The following ADCY1 variants were observed in gnomAD, a reference collection of about 807,000 sequenced individuals.
The protein encoded by ADCY1 is adenylate cyclase 1, also known as adenylate cyclase type 1.
Under a neutral mutation model 105.4 loss-of-function variants are expected in ADCY1, and 28 were observed. The ratio of observed to expected loss-of-function variants is 0.27; its 90% CI spans 0.20 to 0.36. The LOEUF (loss-of-function observed/expected upper bound fraction) is 0.36, where lower values mean the gene tolerates loss of function less well. Ranked by LOEUF, ADCY1 falls within the 10% of genes least tolerant of loss-of-function variation. The pLI is 1.00. For missense variants in ADCY1, 977 were observed against 1,434.2 expected (o/e 0.68, Z 5.15); for synonymous variants, 655 against 623.8 (o/e 1.05, Z -0.75).
chr7:45,697,220 G>T (rs1784901545), intron 14 of ADCY1, among the ~76,000 whole-genome samples: 1 of 151,982 alleles, frequency 6.6e-6, no homozygotes, highest in South Asian at 2.1e-4. Context: ...ATTAGACAGG[G>T]TGTCTTCTGC....
chr7:45,650,861 C>G (rs1794790383), intron 5 of ADCY1, among the ~76,000 whole-genome samples: 1 of 152,222 alleles, frequency 6.6e-6, no homozygotes, highest in Non-Finnish European at 1.5e-5. Context: ...CGCTCTGGTT[C>G]TGCACCTGGC....
chr7:45,610,357 C>A, intron 2 of ADCY1, 22 bp from the exon 3 acceptor site: 1 of 1,600,532 alleles, frequency 6.2e-7, no homozygotes, highest in Non-Finnish European at 8.6e-7. Flanking sequence ...CTGTCTAACC[C>A]GGGCCCTTCT....
rs1785204160 is a variant in ADCY1 at position 45,710,480 on chromosome 7, G to A, written c.2933-48G>A. ...GCATTTGGTGGCCCTGGTGGGGTGAGTTACACTTTTCCCGCTGATGACAGG... is the reference window on the plus strand; with the variant it reads ...GCATTTGGTGGCCCTGGTGGGGTGAATTACACTTTTCCCGCTGATGACAGG... On this transcript the variant is annotated intron_variant, in intron 18 of 19. Transcript: ENST00000297323. This position sits in a 1 kb window ranked among gnomAD's most constrained non-coding sequence, Gnocchi z 4.7. 3 of 1,597,926 alleles carry A rather than the reference G, an allele frequency of 1.9e-6. No homozygotes were observed. Among genetic ancestry groups the A allele is most frequent in the Middle Eastern group, 3.4e-4 (2 of 5,950 alleles).
chr7:45,703,230 A>T lies in ADCY1; in HGVS notation c.2455-146A>T. 6.6e-6 allele frequency: 5 copies of T among 754,450 alleles called. No individual in the cohort carries two copies. The highest frequency in any genetic ancestry group is 4.7e-5 in the South Asian group (3 of 64,422). The allele number at this position is 754,450 out of a possible 1,614,324, so 46.7% of individuals were successfully genotyped here. A position where few individuals can be genotyped will look rare whatever the true frequency, so the allele number is the denominator to read the frequency against. ...CCCAGTAACATGGATCTAGTCTTGC[A>T]TCTAGTGGGGAGGAGGGACAGGAGC... On this transcript the variant is annotated intron_variant, in intron 14 of 19. Coordinates refer to ENST00000297323, the MANE Select transcript of ADCY1 (RefSeq NM_021116.4). The surrounding 1 kb of genome is among the most constrained non-coding windows in gnomAD (Gnocchi z 5.9).
At chr7:45,589,117 G>T (rs1485636141) in intron 1 of ADCY1, among the ~76,000 whole-genome samples, 1 of 152,118 alleles carries the variant, frequency 6.6e-6, no homozygotes, top group East Asian at 1.9e-4. Flanking sequence ...AGAAGGCAGG[G>T]CTATGGCAGG....
chr7:45,585,042 G>C (rs1298229407), intron 1 of ADCY1, among the ~76,000 whole-genome samples: 2 of 152,228 alleles, frequency 1.3e-5, no homozygotes, highest in Non-Finnish European at 2.9e-5. Flanking sequence ...CCAGTGCAGC[G>C]AGCCTGTGCT....
Position 45,574,751 on chromosome 7 carries a change from C to T in ADCY1, c.208C>T (p.Leu70=), listed in dbSNP as rs1792276688. The change falls in exon 1 of 20, where the codon CTG becomes TTG. Residue 70 remains leucine, a synonymous_variant. Coordinates refer to ENST00000297323, the MANE Select transcript of ADCY1 (RefSeq NM_021116.4). The surrounding 1 kb of genome is among the most constrained non-coding windows in gnomAD (Gnocchi z 7.0). The part of the protein sequence containing the change: ...ATLKALAVLS[L]LAGALALAEL... Reference sequence around the variant, plus strand: ...GCTGAAGGCGCTGGCCGTTCTCAGCCTGCTGGCGGGCGCGCTGGCGCTGGC... The same window carrying T: ...GCTGAAGGCGCTGGCCGTTCTCAGCTTGCTGGCGGGCGCGCTGGCGCTGGC... The T allele has an allele frequency of 5.6e-6, 8 of 1,435,822 alleles. No individual in the cohort carries two copies. Among genetic ancestry groups the T allele is most frequent in the Non-Finnish European group, 7.2e-6 (8 of 1,104,612 alleles). 88.9% of individuals were successfully genotyped at this position (1,435,822 alleles called of 1,614,324 possible).
At chr7:45,576,285 G>A (rs918030271) in intron 1 of ADCY1, among the ~76,000 whole-genome samples, 3 of 152,232 alleles carry the variant, frequency 2.0e-5, no homozygotes, top group Middle Eastern at 3.4e-3. Context: ...GGCCCCGGGG[G>A]ACCAGCACCC....
Position 45,592,742 on chromosome 7 carries a change from T to C in ADCY1, c.640-17T>C. 6.2e-7 allele frequency: 1 copy of C among 1,613,856 alleles called. No individual in the cohort carries two copies. On this transcript the variant is annotated splice_polypyrimidine_tract_variant and intron_variant, in intron 1 of 19. Coordinates refer to ENST00000297323, the MANE Select transcript of ADCY1 (RefSeq NM_021116.4). The stretch of plus-strand genomic sequence containing the variant: ...GGGATGTCAGGCTCCACATGTTGCC[T>C]CCTTCTCTCCCTGCAGCTCGGTGCC...
rs1215380549 is a variant in ADCY1, at chr7:45,686,897, T to C, written c.2454+224T>C. On this transcript the variant is annotated intron_variant, in intron 14 of 19. Transcript: ENST00000297323. This position sits in a 1 kb window ranked among gnomAD's most constrained non-coding sequence, Gnocchi z 4.3. Reference sequence around the variant, plus strand: ...CCTCGTGAGAGGACAGTTCAGAAGGTTGTGGGGTGCATGTTGTGGAGACCT... The same window carrying C: ...CCTCGTGAGAGGACAGTTCAGAAGGCTGTGGGGTGCATGTTGTGGAGACCT... Among the ~76,000 whole-genome samples, 1 of 151,848 alleles carries C rather than the reference T, an allele frequency of 6.6e-6. No homozygotes were observed. The highest frequency in any genetic ancestry group is 1.9e-4 in the East Asian group (1 of 5,148).
chr7:45,618,681 G>A (rs1050892158), intron 3 of ADCY1, among the ~76,000 whole-genome samples: 7 of 152,128 alleles, frequency 4.6e-5, no homozygotes, highest in African/African-American at 1.7e-4. Flanking sequence ...TCTCACCCCA[G>A]TTAGATTGGC....
At chr7:45,662,661 C>G (rs1310435024) in intron 8 of ADCY1, among the ~76,000 whole-genome samples, 2 of 152,094 alleles carry the variant, frequency 1.3e-5, no homozygotes, top group East Asian at 3.9e-4. Flanking sequence ...CCTCTCTATG[C>G]AGGAGCTCGC....
chr7:45,706,709 A>T (rs1006039190), intron 17 of ADCY1, among the ~76,000 whole-genome samples: 2 of 152,156 alleles, frequency 1.3e-5, no homozygotes, highest in Non-Finnish European at 2.9e-5. Flanking sequence ...GGTAAGTTGG[A>T]CTTCATGAAA....
chr7:45,679,843 T>G, intron 11 of ADCY1, 50 bp downstream of exon 11: 2 of 1,597,152 alleles, frequency 1.3e-6, no homozygotes, highest in Non-Finnish European at 1.7e-6. Flanking sequence ...GGTTCATGTA[T>G]GTGAGTGGCC....
At chr7:45,596,919 C>T (rs531410106) in intron 2 of ADCY1, among the ~76,000 whole-genome samples, 2 of 152,264 alleles carry the variant, frequency 1.3e-5, no homozygotes, top group South Asian at 4.1e-4. Context: ...AGCAGACACA[C>T]TGGGGAGTTT....
intron 1 of ADCY1, among the ~76,000 whole-genome samples, chr7:45,577,088 G>A (rs1792371611): frequency 6.6e-6 from 1 of 152,106 alleles, no homozygotes; most frequent in Admixed American, 6.5e-5. Context: ...ACTGTAGTGG[G>A]GAAGGAAGCC....
chr7:45,582,059 A>T (rs570525595), intron 1 of ADCY1, among the ~76,000 whole-genome samples: 10 of 152,034 alleles, frequency 6.6e-5, no homozygotes, highest in African/African-American at 2.2e-4. Context: ...TAGCTCACAC[A>T]CTCACACAGT....
intron 2 of ADCY1, among the ~76,000 whole-genome samples, chr7:45,609,374 C>T (rs937768174): frequency 6.6e-5 from 10 of 152,152 alleles, no homozygotes; most frequent in East Asian, 3.9e-4. Flanking sequence ...TGGGTGCCCG[C>T]GTGACTACTG....
intron 12 of ADCY1, among the ~76,000 whole-genome samples, chr7:45,685,492 A>G (rs1480828494): frequency 6.6e-6 from 1 of 151,480 alleles, no homozygotes; most frequent in Non-Finnish European, 1.5e-5. Context: ...GAGTAACAAG[A>G]TGGAGCTGGA....
Sources: gnomAD v4.1 joint callset for allele counts (sites outside exome capture counted in the v4.1 genomes callset) on GRCh38, gnomAD v4.1.1 for gene constraint, Gnocchi (gnomAD v3.1) non-coding constraint, MANE v1.5 for transcripts, NCBI Gene and HGNC (gene_info 2026-07-23, HGNC 2026-07-21) for gene names.